Variants in LPAR3 observed in about 807,000 individuals in gnomAD.
LPAR3 encodes lysophosphatidic acid receptor 3.
In LPAR3, 7 loss-of-function variants were observed where a neutral mutation model predicts 17.8. The ratio of observed to expected loss-of-function variants is 0.39; its 90% CI spans 0.22 to 0.74. The LOEUF (loss-of-function observed/expected upper bound fraction) is 0.74, where lower values mean the gene tolerates loss of function less well. Among genes scored for constraint, LPAR3 ranks in the 30% least tolerant of loss-of-function variants. The pLI, the probability that LPAR3 is intolerant of heterozygous loss-of-function variation, is 0.40. For synonymous variants in LPAR3, 179 were observed against 179.9 expected, an observed-to-expected ratio of 0.99 and a Z score of 0.04; for missense variants, 391 against 453.4, an observed-to-expected ratio of 0.86 and a Z score of 1.25.
chr1:84,876,616 GAT>G (rs1382714894), intron 1 of LPAR3, among the ~76,000 whole-genome samples: 1 of 151,952 alleles, frequency 6.6e-6, no homozygotes, highest in Non-Finnish European at 1.5e-5. Context: ...TGGTTTCTAC[GAT>G]CTCTGCCCTC....
chr1:84,817,802 C>CA (rs10674807), intron 2 of LPAR3, among the ~76,000 whole-genome samples: 7,550 of 119,656 alleles, frequency 0.063, 241 homozygotes, highest in South Asian at 0.084. Flanking sequence ...CTTTCCTGGC[C>CA]AAAAAAAAAA....
At chr1:84,836,788 T>A (rs759360898) in intron 2 of LPAR3, among the ~76,000 whole-genome samples, 22 of 152,196 alleles carry the variant, frequency 1.4e-4, no homozygotes, top group Non-Finnish European at 3.1e-4. Context: ...GCTAAGTAAA[T>A]ATTAGCAAAT....
chr1:84,813,152 T>TAGAGAGAGAGAGAGAG lies in LPAR3; in HGVS notation c.*693_*694insCTCTCTCTCTCTCTCT, dbSNP rs1436277643. ...ATATATATATATATATATATATATA[T>TAGAGAGAGAGAGAGAG]ATATATAGACACACACACACACACA... On this transcript the variant is annotated 3_prime_UTR_variant, in exon 3 of 3. Transcript: ENST00000370611. 2.7e-4 allele frequency: 30 copies of TAGAGAGAGAGAGAGAG among 110,848 alleles called. No homozygotes were observed. Among genetic ancestry groups the TAGAGAGAGAGAGAGAG allele is most frequent in the Middle Eastern group, 4.8e-3 (1 of 210 alleles). 6.9% of individuals were successfully genotyped at this position (110,848 alleles called of 1,614,324 possible). A position where few individuals can be genotyped will look rare whatever the true frequency, so the allele number is the denominator to read the frequency against.
chr1:84,840,927 C>T (rs538243885), intron 2 of LPAR3, among the ~76,000 whole-genome samples: 7 of 152,280 alleles, frequency 4.6e-5, no homozygotes, highest in Middle Eastern at 3.4e-3. Flanking sequence ...AAACAGTGGC[C>T]GGTTTTTACC....
intron 1 of LPAR3, among the ~76,000 whole-genome samples, chr1:84,867,213 G>A (rs1270458517): frequency 2.0e-5 from 3 of 152,226 alleles, no homozygotes; most frequent in Non-Finnish European, 4.4e-5. Flanking sequence ...TACACGTGGT[G>A]GGGAAAACCA....
In LPAR3 at chr1:84,812,300, C is replaced by T. The variant is rs1167507820; in HGVS notation, c.*1546G>A. ...AGCACAACAGATCATTGCTACAGCT[C>T]TAGTCCTAGACTGGAAAGTCTAGGT... On this transcript the variant is annotated 3_prime_UTR_variant, in exon 3 of 3. Transcript: ENST00000370611. 1.3e-5 allele frequency: 2 copies of T among 152,058 alleles called. No homozygotes were observed. The highest frequency in any genetic ancestry group is 4.8e-5 in the African/African-American group (2 of 41,376). The allele number at this position is 152,058 out of a possible 1,614,324, so 9.4% of individuals were successfully genotyped here. A position where few individuals can be genotyped will look rare whatever the true frequency, so the allele number is the denominator to read the frequency against.
intron 2 of LPAR3, among the ~76,000 whole-genome samples, chr1:84,828,011 G>A (rs979244032): frequency 1.3e-5 from 2 of 152,156 alleles, no homozygotes; most frequent in African/African-American, 4.8e-5. Flanking sequence ...AGAAGAGGGG[G>A]TGGAGGGGAG....
intron 2 of LPAR3, among the ~76,000 whole-genome samples, chr1:84,834,195 G>A (rs1659349594): frequency 6.6e-6 from 1 of 151,920 alleles, no homozygotes; most frequent in African/African-American, 2.4e-5. Flanking sequence ...TCAGGGATTG[G>A]GACTATATAT....
chr1:84,827,498 G>A (rs946979905), intron 2 of LPAR3, among the ~76,000 whole-genome samples: 13 of 151,232 alleles, frequency 8.6e-5, no homozygotes, highest in African/African-American at 3.0e-4. Context: ...TTGAGAAGTG[G>A]AGCCTACTGC....
At chr1:84,887,595 TG>T (rs951402957) in intron 1 of LPAR3, among the ~76,000 whole-genome samples, 15 of 152,102 alleles carry the variant, frequency 9.9e-5, no homozygotes, top group African/African-American at 3.4e-4. Context: ...GAATTTAAGG[TG>T]AAGAAATCTG....
In LPAR3 at chr1:84,813,115, G is replaced by T. The variant is rs1658846357; in HGVS notation, c.*731C>A. On this transcript the variant is annotated 3_prime_UTR_variant, in exon 3 of 3. Coordinates refer to ENST00000370611, the MANE Select transcript of LPAR3 (RefSeq NM_012152.3). ...CTTTGAACAAAATCAATAAAAATCA[G>T]TAAAAACAGGAATATATATATATAT... The T allele has an allele frequency of 1.4e-5, 1 of 72,018 alleles. No individual in the cohort carries two copies. The highest frequency in any genetic ancestry group is 6.7e-5 in the African/African-American group (1 of 14,894). The allele number at this position is 72,018 out of a possible 1,614,324, so 4.5% of individuals were successfully genotyped here. A position where few individuals can be genotyped will look rare whatever the true frequency, so the allele number is the denominator to read the frequency against.
Position 84,825,056 on chromosome 1 carries a change from A to G in LPAR3, c.737-10885T>C, listed in dbSNP as rs77548747. 1.3e-3 allele frequency among the ~76,000 whole-genome samples: 204 copies of G among 152,340 alleles called. 1 individual carries two copies. The highest frequency in any genetic ancestry group is 2.2e-3 in the Non-Finnish European group (151 of 68,026). The stretch of plus-strand genomic sequence containing the variant: ...GCCATTCTATTTCTCTGCTCCCAGT[A>G]TCTCCATCTATATGTCACTGGGATT... On this transcript the variant is annotated intron_variant, in intron 2 of 2. Coordinates refer to ENST00000370611, the MANE Select transcript of LPAR3 (RefSeq NM_012152.3).
At chr1:84,851,718 C>T (rs1250620289) in intron 2 of LPAR3, among the ~76,000 whole-genome samples, 1 of 152,178 alleles carries the variant, frequency 6.6e-6, no homozygotes, top group Non-Finnish European at 1.5e-5. Context: ...AGTCACTGCA[C>T]ATGTGCAGGA....
chr1:84,849,957 C>A (rs866398169), intron 2 of LPAR3, among the ~76,000 whole-genome samples: 1 of 152,088 alleles, frequency 6.6e-6, no homozygotes, highest in African/African-American at 2.4e-5. Context: ...GGATGGGCGG[C>A]CCTGTGTGAT....
At chr1:84,843,483 A>G (rs1451093827) in intron 2 of LPAR3, among the ~76,000 whole-genome samples, 1 of 152,234 alleles carries the variant, frequency 6.6e-6, no homozygotes, top group Non-Finnish European at 1.5e-5. Context: ...CAGTCATGAA[A>G]GTGTGTTGGT....
intron 1 of LPAR3, among the ~76,000 whole-genome samples, chr1:84,871,807 A>G (rs1660162402): frequency 6.6e-6 from 1 of 152,090 alleles, no homozygotes; most frequent in African/African-American, 2.4e-5. Flanking sequence ...TGCCCAGAAG[A>G]CTTTTCCCCA....
chr1:84,878,094 C>G (rs1660291654), intron 1 of LPAR3, among the ~76,000 whole-genome samples: 1 of 151,546 alleles, frequency 6.6e-6, no homozygotes. Context: ...TTTGACTTAA[C>G]CTCACTTCTA....
At chr1:84,837,230 C>T (rs1477123591) in intron 2 of LPAR3, among the ~76,000 whole-genome samples, 1 of 152,116 alleles carries the variant, frequency 6.6e-6, no homozygotes, top group Non-Finnish European at 1.5e-5. Context: ...ACCATGTTAG[C>T]CAGGGTGGTC....
chr1:84,858,954 G>T (rs573379199), intron 2 of LPAR3, among the ~76,000 whole-genome samples: 7 of 152,282 alleles, frequency 4.6e-5, no homozygotes, highest in African/African-American at 1.7e-4. Flanking sequence ...AAGGTGAATG[G>T]GAGTTTCCCA....
Sources: allele counts gnomAD v4.1 joint callset (sites outside exome capture counted in the v4.1 genomes callset), GRCh38; gene constraint gnomAD v4.1.1; transcripts MANE v1.5; gene names NCBI Gene and HGNC (gene_info 2026-07-23, HGNC 2026-07-21).